The following PDS5B variants were observed in gnomAD, a reference collection of about 807,000 sequenced individuals.
PDS5B encodes the protein sister chromatid cohesion protein PDS5 homolog B.
Under a neutral mutation model 184.1 loss-of-function variants are expected in PDS5B, and 51 were observed. The observed-to-expected ratio is 0.28, with a 90% CI of 0.22 to 0.35. The LOEUF (loss-of-function observed/expected upper bound fraction) is 0.35, where lower values mean the gene tolerates loss of function less well. Among genes scored for constraint, PDS5B ranks in the 10% least tolerant of loss-of-function variants. The pLI, the probability that PDS5B is intolerant of heterozygous loss-of-function variation, is 1.00. For synonymous variants in PDS5B, 566 were observed against 569.2 expected (o/e 0.99, Z 0.08); for missense variants, 1,180 against 1,723.3 (o/e 0.68, Z 5.58).
chr13:32,590,625 A>T (rs1433387852), intron 1 of PDS5B, among the ~76,000 whole-genome samples: 10 of 152,168 alleles, frequency 6.6e-5, no homozygotes, highest in Admixed American at 6.5e-4. Flanking sequence ...ATGGTTAGGG[A>T]CCTGAAAAGA....
rs780705340 is a variant in PDS5B, at chr13:32,760,740, CACA to C, written c.3518+22_3518+24del. 1 of 1,603,970 alleles carries C rather than the reference CACA, an allele frequency of 6.2e-7. No homozygotes were observed. Among genetic ancestry groups the C allele is most frequent in the Non-Finnish European group, 8.5e-7 (1 of 1,174,614 alleles). On this transcript the variant is annotated intron_variant, in intron 30 of 34. Transcript: ENST00000315596. ...GGGGAGGTAAGTGCAAAAGAAATGC[CACA>C]ATTTACATTTAAGGATTCCAGCAAG...
At chr13:32,620,887 A>G (rs1415923156) in intron 1 of PDS5B, among the ~76,000 whole-genome samples, 2 of 152,134 alleles carry the variant, frequency 1.3e-5, no homozygotes, top group Non-Finnish European at 2.9e-5. Context: ...TGAATAATAA[A>G]TTTTTCTGAT....
At chr13:32,649,581 A>G (rs9315175) in intron 2 of PDS5B, 1 of 151,942 alleles carries the variant, frequency 6.6e-6, no homozygotes, top group African/African-American at 2.4e-5. Flanking sequence ...ATTATTATTT[A>G]TCTGGATGTC....
intron 1 of PDS5B, among the ~76,000 whole-genome samples, chr13:32,596,194 C>T (rs2057865840): frequency 6.6e-6 from 1 of 152,180 alleles, no homozygotes; most frequent in Non-Finnish European, 1.5e-5. Context: ...TATTACCCCA[C>T]AACGTTTCCT....
intron 1 of PDS5B, among the ~76,000 whole-genome samples, chr13:32,641,486 A>G (rs906434543): frequency 6.6e-6 from 1 of 152,172 alleles, no homozygotes; most frequent in African/African-American, 2.4e-5. Context: ...GAGGGTGATC[A>G]TCACTATATG....
chr13:32,587,148 G>T (rs2057698422), intron 1 of PDS5B, among the ~76,000 whole-genome samples: 1 of 148,146 alleles, frequency 6.8e-6, no homozygotes, highest in African/African-American at 2.4e-5. Context: ...GGGACCGCGG[G>T]TCGGGGCCGC....
chr13:32,616,117 G>A (rs937986214), intron 1 of PDS5B, among the ~76,000 whole-genome samples: 1 of 151,386 alleles, frequency 6.6e-6, no homozygotes, highest in East Asian at 1.9e-4. Context: ...GCAATGGCGC[G>A]ATCTTGGCTC....
intron 16 of PDS5B, among the ~76,000 whole-genome samples, chr13:32,700,561 T>G (rs1270869368): frequency 1.3e-5 from 2 of 152,152 alleles, no homozygotes; most frequent in Non-Finnish European, 2.9e-5. Flanking sequence ...GTAAGTTGTG[T>G]TTATAATATT....
At chr13:32,595,197 A>G (rs1472438071) in intron 1 of PDS5B, among the ~76,000 whole-genome samples, 2 of 152,142 alleles carry the variant, frequency 1.3e-5, no homozygotes, top group African/African-American at 2.4e-5. Context: ...AGGGGATGAC[A>G]TGACTAGGTT....
rs1194271709 is a variant in PDS5B at position 32,706,829 on chromosome 13, TTCGGATATGTATA to T, written c.1857-103_1857-91del. On this transcript the variant is annotated intron_variant, in intron 17 of 34. Transcript: ENST00000315596. ...CCAGCTATATCAAATTTGTATTTGG[TTCGGATATGTATA>T]TATGTATGTGCACATATATGTAACA... 4 of 501,794 alleles carry T rather than the reference TTCGGATATGTATA, an allele frequency of 8.0e-6. No homozygotes were observed. In the East Asian group the frequency reaches 1.3e-4, roughly 17 times the overall value. The allele number at this position is 501,794 out of a possible 1,614,324, so 31.1% of individuals were successfully genotyped here.
At chr13:32,627,678 T>G (rs920286912) in intron 1 of PDS5B, among the ~76,000 whole-genome samples, 2 of 152,208 alleles carry the variant, frequency 1.3e-5, no homozygotes, top group Non-Finnish European at 2.9e-5. Flanking sequence ...AAGAACAGAT[T>G]ATATAATATT....
In PDS5B at chr13:32,742,636, A is replaced by G; in HGVS notation, c.2521A>G (p.Asn841Asp). 6.2e-7 allele frequency: 1 copy of G among 1,611,984 alleles called. No homozygotes were observed. The highest frequency in any genetic ancestry group is 8.5e-7 in the Non-Finnish European group (1 of 1,178,326). Residue 841 changes from asparagine (N) to aspartate (D), a missense_variant, in exon 23 of 35, where the codon AAT becomes GAT. This residue lies in a region of PDS5B where 475 missense variants were observed against 691.5 expected (regional missense o/e 0.69). Transcript: ENST00000315596. ...MMVRWLLGMK[N>D]NHSKSGTSTL... ...GGTTCGATGGCTACTTGGAATGAAA[A>G]ATAATCACAGTAAATCAGGAACTTC...
At chr13:32,767,741 A>T (rs1397504097) in intron 31 of PDS5B, among the ~76,000 whole-genome samples, 6 of 152,206 alleles carry the variant, frequency 3.9e-5, no homozygotes, top group Non-Finnish European at 7.3e-5. Flanking sequence ...AAGACAGGCC[A>T]TGTTCTTGTA....
intron 1 of PDS5B, among the ~76,000 whole-genome samples, chr13:32,631,308 G>A (rs959665890): frequency 6.6e-6 from 1 of 151,720 alleles, no homozygotes; most frequent in African/African-American, 2.4e-5. Flanking sequence ...GCCCAGGCTG[G>A]TCTCAAACTC....
At chr13:32,612,832 T>C (rs1003087310) in intron 1 of PDS5B, among the ~76,000 whole-genome samples, 3 of 152,194 alleles carry the variant, frequency 2.0e-5, no homozygotes, top group Non-Finnish European at 2.9e-5. Flanking sequence ...TCTTGGACTT[T>C]CCAGTCTCCA....
chr13:32,773,094 G>T, intron 33 of PDS5B, 95 bp from the exon 34 acceptor site: 1 of 1,020,802 alleles, frequency 9.8e-7, no homozygotes, highest in South Asian at 1.7e-5. Flanking sequence ...GGGTAAAGAT[G>T]ATATGACGAT....
In PDS5B at chr13:32,775,000, G is replaced by C. The variant is rs767750526; in HGVS notation, c.4309-17G>C. On this transcript the variant is annotated splice_polypyrimidine_tract_variant and intron_variant, in intron 34 of 34. Transcript: ENST00000315596. ...TATACCCATTTTAATTAAGCATCTG[G>C]TGACTTTCCTTTTAAGGTACGGCGG... is the stretch of plus-strand genomic sequence containing the variant. The C allele has an allele frequency of 6.2e-7, 1 of 1,610,812 alleles. No homozygotes were observed. Among genetic ancestry groups the C allele is most frequent in the South Asian group, 1.1e-5 (1 of 90,968 alleles).
intron 9 of PDS5B, 115 bp downstream of exon 9, chr13:32,676,074 T>G: frequency 1.7e-6 from 1 of 594,706 alleles, no homozygotes; most frequent in South Asian, 2.6e-5. Flanking sequence ...ATGAAGGATT[T>G]TTTATGTTGA....
chr13:32,749,365 G>A (rs963077833), intron 24 of PDS5B, among the ~76,000 whole-genome samples: 2 of 152,252 alleles, frequency 1.3e-5, no homozygotes, highest in Admixed American at 6.5e-5. Flanking sequence ...ACTATGCTTT[G>A]CGCTTTAGTA....
Sources: gnomAD v4.1 joint callset for allele counts (sites outside exome capture counted in the v4.1 genomes callset) on GRCh38, gnomAD v4.1.1 for gene constraint, gnomAD v4.1.1 regional missense constraint, MANE v1.5 for transcripts, NCBI Gene and HGNC (gene_info 2026-07-23, HGNC 2026-07-21) for gene names.